Variants in PDE10A observed in about 807,000 individuals in gnomAD.
PDE10A encodes the protein cAMP and cAMP-inhibited cGMP 3',5'-cyclic phosphodiesterase 10A.
PDE10A carries 39 observed loss-of-function variants against 97.7 expected under a neutral mutation model. The ratio of observed to expected loss-of-function variants is 0.40; its 90% CI spans 0.31 to 0.52. The LOEUF (loss-of-function observed/expected upper bound fraction) is 0.52, where lower values mean the gene tolerates loss of function less well. Ranked by LOEUF, PDE10A falls within the 20% of genes least tolerant of loss-of-function variation. The pLI is 0.56. For synonymous variants in PDE10A, 371 were observed against 376.8 expected (o/e 0.98, Z 0.18); for missense variants, 731 against 1,047.8 (o/e 0.70, Z 4.17).
intron 5 of PDE10A, among the ~76,000 whole-genome samples, chr6:165,438,851 A>T (rs944261862): frequency 6.6e-6 from 1 of 151,694 alleles, no homozygotes; most frequent in Non-Finnish European, 1.5e-5. Context: ...CTAGCTACTC[A>T]GGAGGCCGAG....
chr6:165,761,134 C>T (rs1793240344), intron 1 of PDE10A, among the ~76,000 whole-genome samples: 1 of 152,172 alleles, frequency 6.6e-6, no homozygotes, highest in Non-Finnish European at 1.5e-5. Context: ...GGACTCTCAA[C>T]TTTGTTGGGA....
At chr6:165,959,917 G>A (rs990026622) in intron 1 of PDE10A, among the ~76,000 whole-genome samples, 11 of 152,240 alleles carry the variant, frequency 7.2e-5, no homozygotes, top group Non-Finnish European at 1.5e-4. Context: ...AACACACCCA[G>A]AGGCGACTTC....
chr6:165,656,442 C>G (rs945138301), intron 1 of PDE10A, among the ~76,000 whole-genome samples: 1 of 151,852 alleles, frequency 6.6e-6, no homozygotes, highest in Non-Finnish European at 1.5e-5. Flanking sequence ...CAGCTCCTAC[C>G]TCTTCTCGTG....
At chr6:165,432,951 C>T in intron 7 of PDE10A, 23 bp downstream of exon 7, 2 of 1,600,866 alleles carry the variant, frequency 1.2e-6, no homozygotes, top group Non-Finnish European at 8.5e-7. Flanking sequence ...AAAATTCTAA[C>T]ATGCAGCATT....
At chr6:165,808,599 T>G (rs1379960734) in intron 1 of PDE10A, among the ~76,000 whole-genome samples, 1 of 152,216 alleles carries the variant, frequency 6.6e-6, no homozygotes, top group East Asian at 1.9e-4. Context: ...GGAATTATGC[T>G]CTGTGGCGGG....
At chr6:165,981,034 GT>G (rs1784997807) in intron 1 of PDE10A, among the ~76,000 whole-genome samples, 1 of 152,112 alleles carries the variant, frequency 6.6e-6, no homozygotes, top group Admixed American at 6.5e-5. Flanking sequence ...TTTCACCTCT[GT>G]TTATTTGAAA....
At chr6:165,692,139 G>A (rs1052496159) in intron 1 of PDE10A, among the ~76,000 whole-genome samples, 9 of 152,176 alleles carry the variant, frequency 5.9e-5, no homozygotes, top group Admixed American at 5.2e-4. Context: ...GTGAGTGCAG[G>A]GAGGCCATGC....
At chr6:165,607,818 T>C (rs993530126) in intron 1 of PDE10A, among the ~76,000 whole-genome samples, 4 of 152,120 alleles carry the variant, frequency 2.6e-5, no homozygotes, top group African/African-American at 9.7e-5. Flanking sequence ...ATCACCTGTG[T>C]ATCTGCTACA....
intron 17 of PDE10A, among the ~76,000 whole-genome samples, chr6:165,381,874 A>G (rs1784958993): frequency 6.6e-6 from 1 of 152,156 alleles, no homozygotes; most frequent in Non-Finnish European, 1.5e-5. Flanking sequence ...AGCATAGCAG[A>G]CAAACAGTAT....
intron 18 of PDE10A, among the ~76,000 whole-genome samples, chr6:165,364,635 G>T (rs942147082): frequency 1.3e-5 from 2 of 152,100 alleles, no homozygotes; most frequent in Admixed American, 1.3e-4. Context: ...GCTAGTAGTT[G>T]CATTTGCCAA....
Position 165,435,417 on chromosome 6 carries a change from A to C in PDE10A, c.1195-40T>G, listed in dbSNP as rs546896835. ...AGATGTTTTACAGACTTTCCTGTAC[A>C]TGTGCATAGTACAAAAAGACACACG... On this transcript the variant is annotated intron_variant, in intron 5 of 21. Coordinates refer to ENST00000539869, the MANE Select transcript of PDE10A (RefSeq NM_001385079.1). 3 of 1,576,608 alleles carry C rather than the reference A, an allele frequency of 1.9e-6. No individual in the cohort carries two copies. The African/African-American group carries it at 4.1e-5, about 21-fold the overall frequency.
At chr6:165,833,597 T>G (rs1779986427) in intron 1 of PDE10A, among the ~76,000 whole-genome samples, 1 of 152,236 alleles carries the variant, frequency 6.6e-6, no homozygotes, top group African/African-American at 2.4e-5. Context: ...CCAGAGCCCA[T>G]CAAGCAGTTC....
intron 1 of PDE10A, among the ~76,000 whole-genome samples, chr6:165,845,981 A>T (rs911998567): frequency 5.9e-5 from 9 of 151,574 alleles, no homozygotes; most frequent in Non-Finnish European, 1.0e-4. Context: ...AGAGTGGGTA[A>T]AGAAAGAAAA....
chr6:165,780,572 T>C (rs1778316228), intron 1 of PDE10A: 1 of 152,268 alleles, frequency 6.6e-6, no homozygotes, highest in Non-Finnish European at 1.5e-5. Flanking sequence ...GGAAGGCAGA[T>C]TCCTCTCTCC....
intron 17 of PDE10A, among the ~76,000 whole-genome samples, chr6:165,384,215 C>A (rs575877): frequency 5.8e-4 from 89 of 152,166 alleles, no homozygotes; most frequent in African/African-American, 2.0e-3. Context: ...AGACAAAATA[C>A]GATGAAGGCT....
chr6:165,748,724 A>G (rs1231511306), intron 1 of PDE10A, among the ~76,000 whole-genome samples: 20 of 152,204 alleles, frequency 1.3e-4, no homozygotes, highest in Admixed American at 1.3e-3. Context: ...TCACAGCATA[A>G]AATCAGGTGA....
At chr6:165,372,682 C>T (rs1384794982) in intron 18 of PDE10A, among the ~76,000 whole-genome samples, 3 of 146,444 alleles carry the variant, frequency 2.0e-5, no homozygotes, top group African/African-American at 5.2e-5. Flanking sequence ...CAATGCCATC[C>T]CCATCAAGCT....
intron 1 of PDE10A, among the ~76,000 whole-genome samples, chr6:165,730,621 C>T (rs1465475672): frequency 2.0e-5 from 3 of 151,442 alleles, no homozygotes; most frequent in Admixed American, 6.6e-5. Flanking sequence ...GGCATGGTAG[C>T]GCATGCCTCT....
chr6:165,643,326 T>A (rs751306254), intron 1 of PDE10A, among the ~76,000 whole-genome samples: 1 of 152,086 alleles, frequency 6.6e-6, no homozygotes, highest in Non-Finnish European at 1.5e-5. Context: ...CAGATGAGTA[T>A]GTGGATGGAG....
Sources: allele counts gnomAD v4.1 joint callset (sites outside exome capture counted in the v4.1 genomes callset), GRCh38; gene constraint gnomAD v4.1.1; transcripts MANE v1.5; gene names NCBI Gene and HGNC (gene_info 2026-07-23, HGNC 2026-07-21).